The following PTPRK variants were observed in gnomAD, a reference collection of about 807,000 sequenced individuals.
PTPRK encodes protein tyrosine phosphatase receptor type K.
Under a neutral mutation model 178.0 loss-of-function variants are expected in PTPRK, and 75 were observed. That is an observed-to-expected ratio of 0.42 (90% CI 0.35 to 0.51). The LOEUF is 0.51. PTPRK is among the 20% of genes least tolerant of loss of function. PTPRK has a pLI of 0.02. For synonymous variants in PTPRK, 637 were observed against 620.6 expected, an observed-to-expected ratio of 1.03 and a Z score of -0.39; for missense variants, 1,441 against 1,797.8, an observed-to-expected ratio of 0.80 and a Z score of 3.59.
chr6:128,130,834 G>A (rs1037565733), intron 7 of PTPRK, among the ~76,000 whole-genome samples: 41 of 149,458 alleles, frequency 2.7e-4, no homozygotes, highest in African/African-American at 1.0e-3. Flanking sequence ...AGGAAGTACC[G>A]ATATAAAAAA....
At chr6:128,027,432 G>C (rs559845965) in intron 13 of PTPRK, among the ~76,000 whole-genome samples, 160 of 152,136 alleles carry the variant, frequency 1.1e-3, no homozygotes, top group African/African-American at 3.8e-3. Flanking sequence ...AGAGTTCAAA[G>C]AGTCCTTCAG....
At chr6:128,516,938 C>T (rs553525187) in intron 1 of PTPRK, among the ~76,000 whole-genome samples, 4 of 150,716 alleles carry the variant, frequency 2.7e-5, no homozygotes, top group South Asian at 2.1e-4. Context: ...AGGATTTATA[C>T]GAGGTAAGTT....
chr6:128,258,347 G>A (rs1198242581), intron 3 of PTPRK, among the ~76,000 whole-genome samples: 1 of 152,054 alleles, frequency 6.6e-6, no homozygotes, highest in African/African-American at 2.4e-5. Context: ...ACATAAAACT[G>A]ATATCACAGA....
chr6:128,296,749 G>A (rs561100417), intron 3 of PTPRK, among the ~76,000 whole-genome samples: 1,549 of 152,140 alleles, frequency 0.01, 26 homozygotes, highest in African/African-American at 0.035. Flanking sequence ...AGGAACAACC[G>A]GTACCAGCCA....
At chr6:128,197,677 C>T (rs1805140298) in intron 6 of PTPRK, among the ~76,000 whole-genome samples, 1 of 151,850 alleles carries the variant, frequency 6.6e-6, no homozygotes, top group Non-Finnish European at 1.5e-5. Context: ...AGGTGATATT[C>T]AAATTACACT....
intron 1 of PTPRK, among the ~76,000 whole-genome samples, chr6:128,467,644 A>C (rs1280812438): frequency 6.6e-6 from 1 of 152,222 alleles, no homozygotes; most frequent in African/African-American, 2.4e-5. Flanking sequence ...TCCATTATGT[A>C]AACCTACTAG....
intron 6 of PTPRK, among the ~76,000 whole-genome samples, chr6:128,208,115 T>C (rs1209252347): frequency 6.6e-6 from 1 of 152,102 alleles, no homozygotes; most frequent in Admixed American, 6.6e-5. Flanking sequence ...TCATGGTAAC[T>C]GCTTTTTAGC....
chr6:128,380,572 G>A (rs1443614949), intron 2 of PTPRK, among the ~76,000 whole-genome samples: 1 of 151,264 alleles, frequency 6.6e-6, no homozygotes, highest in Non-Finnish European at 1.5e-5. Context: ...GTGTGTGTGT[G>A]TGTATGCAAT....
chr6:128,085,294 G>C (rs1467497755), intron 8 of PTPRK: 1 of 152,258 alleles, frequency 6.6e-6, no homozygotes, highest in Non-Finnish European at 1.5e-5. Context: ...GATCCAGACA[G>C]AGGGCCAGTG....
intron 7 of PTPRK, among the ~76,000 whole-genome samples, chr6:128,116,150 C>T (rs1194403763): frequency 2.6e-5 from 4 of 152,020 alleles, no homozygotes; most frequent in African/African-American, 9.7e-5. Flanking sequence ...GTCTAATCTG[C>T]CTTTTATTTA....
rs78072266 is a variant in PTPRK, at chr6:128,490,451, G to C, written c.100+29808C>G. ...AGTATTATACACTAGAACGCAGAGG[G>C]CTGGGTACAGAAAATAAGGGGAGGA... is the stretch of plus-strand genomic sequence containing the variant. On this transcript the variant is annotated intron_variant, in intron 1 of 29. Coordinates refer to ENST00000368226, the MANE Select transcript of PTPRK (RefSeq NM_002844.4). Among the ~76,000 whole-genome samples, 845 of 152,284 alleles carry C rather than the reference G, an allele frequency of 5.5e-3. 8 individuals are homozygous for C. Among genetic ancestry groups the C allele is most frequent in the African/African-American group, 0.019 (786 of 41,544 alleles).
chr6:128,105,338 T>A (rs1447798563), intron 7 of PTPRK, among the ~76,000 whole-genome samples: 2 of 152,132 alleles, frequency 1.3e-5, no homozygotes, highest in Admixed American at 1.3e-4. Flanking sequence ...TTTCACCGTG[T>A]TAGCCAGGAT....
chr6:128,249,527 A>G (rs1449549241), intron 3 of PTPRK, among the ~76,000 whole-genome samples: 3 of 152,134 alleles, frequency 2.0e-5, no homozygotes, highest in African/African-American at 7.2e-5. Flanking sequence ...AAGCAAAATG[A>G]GTATAGTAGA....
At chr6:128,064,904 A>T in intron 12 of PTPRK, 110 bp from the exon 13 acceptor site, 1 of 1,208,034 alleles carries the variant, frequency 8.3e-7, no homozygotes, top group South Asian at 2.6e-5. Flanking sequence ...AAGGGATTAT[A>T]AACAACAGAA....
chr6:128,449,099 A>G (rs560333670), intron 1 of PTPRK, among the ~76,000 whole-genome samples: 1 of 152,014 alleles, frequency 6.6e-6, no homozygotes, highest in African/African-American at 2.4e-5. Context: ...TGACCTCGTG[A>G]TCCACCCGCC....
chr6:128,299,906 A>C (rs989300275), intron 3 of PTPRK, among the ~76,000 whole-genome samples: 5 of 152,188 alleles, frequency 3.3e-5, no homozygotes, highest in African/African-American at 9.6e-5. Context: ...TCTGCACAGC[A>C]AAAGAAACTA....
At chr6:128,211,406 C>A (rs2128265618) in intron 6 of PTPRK, among the ~76,000 whole-genome samples, 1 of 152,124 alleles carries the variant, frequency 6.6e-6, no homozygotes, top group East Asian at 1.9e-4. Flanking sequence ...TAATTCTTGT[C>A]AGATTATATT....
At chr6:128,074,972 G>A (rs955459129) in intron 11 of PTPRK, among the ~76,000 whole-genome samples, 5 of 151,956 alleles carry the variant, frequency 3.3e-5, no homozygotes, top group African/African-American at 1.2e-4. Flanking sequence ...TAGCAATACT[G>A]AAAATATTTA....
chr6:128,242,915 C>T (rs1426309019), intron 3 of PTPRK, among the ~76,000 whole-genome samples: 2 of 152,172 alleles, frequency 1.3e-5, no homozygotes, highest in African/African-American at 2.4e-5. Context: ...GGTAAACTTT[C>T]GCATATTGAT....
Sources: gnomAD v4.1 joint callset for allele counts (sites outside exome capture counted in the v4.1 genomes callset) on GRCh38, gnomAD v4.1.1 for gene constraint, MANE v1.5 for transcripts, NCBI Gene and HGNC (gene_info 2026-07-23, HGNC 2026-07-21) for gene names.